Variants in NAP1L1 observed in about 807,000 individuals in gnomAD.
NAP1L1 encodes nucleosome assembly protein 1 like 1.
Under a neutral mutation model 58.9 loss-of-function variants are expected in NAP1L1, and 9 were observed. The ratio of observed to expected loss-of-function variants is 0.15; its 90% CI spans 0.09 to 0.27. The LOEUF (loss-of-function observed/expected upper bound fraction) is 0.27, where lower values mean the gene tolerates loss of function less well. Among genes scored for constraint, NAP1L1 ranks in the 10% least tolerant of loss-of-function variants. The pLI is 1.00. For missense variants in NAP1L1, 302 were observed against 458.8 expected (o/e 0.66, Z 3.12); for synonymous variants, 130 against 138.3 (o/e 0.94, Z 0.42).
At chr12:76,066,473 T>TA (rs945152622) in intron 4 of NAP1L1, among the ~76,000 whole-genome samples, 5 of 151,746 alleles carry the variant, frequency 3.3e-5, no homozygotes, top group East Asian at 1.9e-4. Context: ...TGCAAAGCAT[T>TA]AAAAAAAAGT....
At chr12:76,079,887 T>TC (rs1207192242) in intron 1 of NAP1L1, among the ~76,000 whole-genome samples, 2 of 152,134 alleles carry the variant, frequency 1.3e-5, no homozygotes, top group Admixed American at 1.3e-4. Flanking sequence ...AGACAGGGTG[T>TC]CTCACTATGT....
intron 1 of NAP1L1, among the ~76,000 whole-genome samples, chr12:76,075,394 G>A (rs1365244833): frequency 6.6e-6 from 1 of 152,176 alleles, no homozygotes; most frequent in Non-Finnish European, 1.5e-5. Context: ...AATCCTGCAT[G>A]TGTTTACTTT....
At position 76,059,807 on chromosome 12, in the gene NAP1L1, ATCT is replaced by A. The variant is rs1198996084; in HGVS notation, c.417_419del (p.Glu139del). 5 of 1,599,836 alleles carry A rather than the reference ATCT, an allele frequency of 3.1e-6. No individual in the cohort carries two copies. In the East Asian group the frequency reaches 6.7e-5, roughly 21 times the overall value. ...TAAAGTTGGTACTAACCGAAATCTC[ATCT>A]TCTTCATCTGGTTTCCATTCACATT... On this transcript the variant is annotated inframe_deletion, in exon 6 of 15. Coordinates refer to ENST00000618691, the MANE Select transcript of NAP1L1 (RefSeq NM_004537.7).
intron 1 of NAP1L1, among the ~76,000 whole-genome samples, chr12:76,079,684 A>T (rs1273496222): frequency 5.0e-5 from 7 of 140,692 alleles, no homozygotes; most frequent in African/African-American, 1.3e-4. Flanking sequence ...GCTTGAAGGC[A>T]TTTTTTTTTT....
intron 1 of NAP1L1, among the ~76,000 whole-genome samples, chr12:76,077,868 C>T (rs912965511): frequency 1.3e-5 from 2 of 150,356 alleles, no homozygotes; most frequent in African/African-American, 4.9e-5. Context: ...CCTGTAGTCC[C>T]AGCTACTCAG....
chr12:76,043,428 T>C lies in NAP1L1; in HGVS notation c.*5001A>G, dbSNP rs568383736. The stretch of plus-strand genomic sequence containing the variant: ...TGATACCAGCTACTCGAGAGGCTGA[T>C]TGCAGCAGTACACTCCAACCTGGGC... On this transcript the variant is annotated 3_prime_UTR_variant, in exon 15 of 15. Coordinates refer to ENST00000618691, the MANE Select transcript of NAP1L1 (RefSeq NM_004537.7). The C allele has an allele frequency of 6.7e-6, 1 of 148,436 alleles. No individual in the cohort carries two copies. Among genetic ancestry groups the C allele is most frequent in the African/African-American group, 2.5e-5 (1 of 40,128 alleles). 9.2% of individuals were successfully genotyped at this position (148,436 alleles called of 1,614,324 possible).
intron 2 of NAP1L1, among the ~76,000 whole-genome samples, chr12:76,072,386 T>C (rs1949996111): frequency 6.7e-6 from 1 of 149,686 alleles, no homozygotes; most frequent in African/African-American, 2.5e-5. Flanking sequence ...CAACACAAGC[T>C]GAAAGTCTTC....
chr12:76,050,154 C>T (rs568237612), intron 12 of NAP1L1, among the ~76,000 whole-genome samples: 1 of 152,266 alleles, frequency 6.6e-6, no homozygotes, highest in Admixed American at 6.5e-5. Flanking sequence ...CTAATCTTAA[C>T]CTAACCATCA....
intron 13 of NAP1L1, 112 bp from the exon 14 acceptor site, chr12:76,049,362 A>G: frequency 3.8e-6 from 6 of 1,581,554 alleles, no homozygotes; most frequent in Non-Finnish European, 5.1e-6. Context: ...GATTTTCATG[A>G]TTACAGACTT....
chr12:76,079,701 G>A (rs1378753293), intron 1 of NAP1L1, among the ~76,000 whole-genome samples: 1 of 82,426 alleles, frequency 1.2e-5, no homozygotes, highest in Non-Finnish European at 2.5e-5. Context: ...TTTTTTTTTT[G>A]GAGACAAGGC....
At position 76,042,059 on chromosome 12, in the gene NAP1L1, T is replaced by G. The variant is rs1293382491; in HGVS notation, c.*6370A>C. 3.3e-5 allele frequency: 5 copies of G among 152,114 alleles called. No individual in the cohort carries two copies. Among genetic ancestry groups the G allele is most frequent in the Non-Finnish European group, 7.3e-5 (5 of 68,030 alleles). 9.4% of individuals were successfully genotyped at this position (152,114 alleles called of 1,614,324 possible). On this transcript the variant is annotated 3_prime_UTR_variant, in exon 15 of 15. Transcript: ENST00000618691. ...CTCACTTTAGGTTAAGGTCAATTTT[T>G]TTTTTGTTTTTTACACATAAAATCT... is the stretch of plus-strand genomic sequence containing the variant.
intron 1 of NAP1L1, among the ~76,000 whole-genome samples, chr12:76,075,882 A>T (rs971771082): frequency 6.6e-6 from 1 of 152,132 alleles, no homozygotes; most frequent in African/African-American, 2.4e-5. Flanking sequence ...TGTCCATCTC[A>T]GCCAGGCACC....
chr12:76,050,686 T>G, intron 11 of NAP1L1, 33 bp from the exon 12 acceptor site: 1 of 1,589,610 alleles, frequency 6.3e-7, no homozygotes, highest in Admixed American at 1.8e-5. Flanking sequence ...GCAGAAAATT[T>G]AGGAATAACT....
In NAP1L1 at chr12:76,047,109, A is replaced by T. The variant is rs1453999696; in HGVS notation, c.*1320T>A. 6.6e-6 allele frequency: 1 copy of T among 152,508 alleles called. No individual in the cohort carries two copies. The highest frequency in any genetic ancestry group is 1.5e-5 in the Non-Finnish European group (1 of 67,930). 9.4% of individuals were successfully genotyped at this position (152,508 alleles called of 1,614,324 possible). Reference sequence around the variant, plus strand: ...AGTTTAGTTATCAAAGCGTGGTGTGAACAAAATGCTTAGTGTCACACTGGC... The same window carrying T: ...AGTTTAGTTATCAAAGCGTGGTGTGTACAAAATGCTTAGTGTCACACTGGC... On this transcript the variant is annotated 3_prime_UTR_variant, in exon 15 of 15. Transcript: ENST00000618691.
In NAP1L1 at chr12:76,064,014, A is replaced by C. The variant is rs147564746; in HGVS notation, c.206+3357T>G. Among the ~76,000 whole-genome samples the C allele has an allele frequency of 2.0e-3, 301 of 151,508 alleles. 2 individuals carry two copies. The highest frequency in any genetic ancestry group is 6.4e-3 in the African/African-American group (266 of 41,312). On this transcript the variant is annotated intron_variant, in intron 4 of 14. Coordinates refer to ENST00000618691, the MANE Select transcript of NAP1L1 (RefSeq NM_004537.7). ...CATAGGGAGACCCCCATCTCTACAAAAATAACAGCCAGGCATGATGATATG... is the reference window on the plus strand; with the variant it reads ...CATAGGGAGACCCCCATCTCTACAACAATAACAGCCAGGCATGATGATATG...
At chr12:76,069,316 T>C (rs1401597855) in intron 2 of NAP1L1, among the ~76,000 whole-genome samples, 1 of 152,212 alleles carries the variant, frequency 6.6e-6, no homozygotes, top group Non-Finnish European at 1.5e-5. Context: ...TTTTCCTTCT[T>C]AGTAACAACA....
At chr12:76,084,300 G>A (rs1356796425) in intron 1 of NAP1L1, among the ~76,000 whole-genome samples, 4 of 152,278 alleles carry the variant, frequency 2.6e-5, no homozygotes, top group East Asian at 3.9e-4. Flanking sequence ...GGAGCTCAGA[G>A]AACCTTAGGC....
chr12:76,068,805 G>T, intron 3 of NAP1L1, 104 bp downstream of exon 3: 1 of 708,678 alleles, frequency 1.4e-6, no homozygotes, highest in Non-Finnish European at 2.5e-6. Context: ...GTAGATAAAT[G>T]GGACAATGAG....
intron 2 of NAP1L1, 76 bp downstream of exon 2, chr12:76,074,126 TC>T (rs1950086638): frequency 8.3e-7 from 1 of 1,206,916 alleles, no homozygotes; most frequent in African/African-American, 1.5e-5. Flanking sequence ...AATATATAAT[TC>T]ATACTACTTG....
Sources: gnomAD v4.1 joint callset for allele counts (sites outside exome capture counted in the v4.1 genomes callset) on GRCh38, gnomAD v4.1.1 for gene constraint, MANE v1.5 for transcripts, NCBI Gene and HGNC (gene_info 2026-07-23, HGNC 2026-07-21) for gene names.